DOCK5: variants seen among roughly 807,000 people sequenced by gnomAD.
DOCK5 encodes the protein dedicator of cytokinesis 5.
A neutral mutation model predicts 251.8 loss-of-function variants in DOCK5; 142 were observed. The ratio of observed to expected loss-of-function variants is 0.56; its 90% CI spans 0.49 to 0.65. The LOEUF (loss-of-function observed/expected upper bound fraction) is 0.65. Ranked by LOEUF, DOCK5 falls within the 30% of genes least tolerant of loss-of-function variation. DOCK5 has a pLI of 0.00. For missense variants in DOCK5, 2,111 were observed against 2,312.3 expected (o/e 0.91, Z 1.79); for synonymous variants, 842 against 835.5 (o/e 1.01, Z -0.13).
At chr8:25,263,254 A>G (rs1339166866) in intron 2 of DOCK5, among the ~76,000 whole-genome samples, 2 of 151,524 alleles carry the variant, frequency 1.3e-5, no homozygotes, top group Non-Finnish European at 2.9e-5. Context: ...TTTCCCAGTG[A>G]CAGCTCTTTT....
At chr8:25,410,975 GCGCGCGCGCACGCACGCACGCA>G (rs1437844812) in intron 51 of DOCK5, among the ~76,000 whole-genome samples, 197 bp from the exon 52 acceptor site, 15 of 22,778 alleles carry the variant, frequency 6.6e-4, no homozygotes, top group African/African-American at 1.6e-3. Flanking sequence ...GTGTGTGTGC[GCGCGCGCGCACGCACGCACGCA>G]CGCACGCGTG....
intron 2 of DOCK5, among the ~76,000 whole-genome samples, chr8:25,250,511 A>G (rs1803239021): frequency 6.6e-6 from 1 of 151,918 alleles, no homozygotes; most frequent in African/African-American, 2.4e-5. Context: ...GTTCCTTTCC[A>G]CCCCAGATCC....
rs533088266 is a variant in DOCK5, at chr8:25,397,828, AATACATAC to A, written c.4705-2066_4705-2059del. Among the ~76,000 whole-genome samples the A allele has an allele frequency of 7.2e-5, 11 of 152,138 alleles. No individual in the cohort carries two copies. In the South Asian group the frequency reaches 2.3e-3, roughly 32 times the overall value. ...TTAAAATGAACAAAAAGCTAGGATA[AATACATAC>A]ATACATACATACATACGTACATTTC... On this transcript the variant is annotated intron_variant, in intron 45 of 51. Transcript: ENST00000276440.
At chr8:25,294,237 C>G (rs1425474037) in intron 6 of DOCK5, among the ~76,000 whole-genome samples, 1 of 152,154 alleles carries the variant, frequency 6.6e-6, no homozygotes, top group East Asian at 1.9e-4. Flanking sequence ...CTGATCCAGT[C>G]TCCGAGCAGC....
At chr8:25,340,634 C>T (rs1046985312) in intron 22 of DOCK5, among the ~76,000 whole-genome samples, 1 of 152,130 alleles carries the variant, frequency 6.6e-6, no homozygotes, top group Non-Finnish European at 1.5e-5. Context: ...AGCATCGGCA[C>T]GGGCAGTTCA....
At chr8:25,398,083 G>C (rs549576965) in intron 45 of DOCK5, among the ~76,000 whole-genome samples, 9 of 152,230 alleles carry the variant, frequency 5.9e-5, no homozygotes, top group African/African-American at 2.2e-4. Flanking sequence ...AAGAACACAG[G>C]AGCTGTGTGC....
At chr8:25,400,045 C>T in intron 46 of DOCK5, 51 bp downstream of exon 46, 1 of 1,453,338 alleles carries the variant, frequency 6.9e-7, no homozygotes, top group Non-Finnish European at 9.6e-7. Flanking sequence ...GTGTGGGACA[C>T]CCATTATTCT....
chr8:25,187,780 G>T (rs57377296), intron 1 of DOCK5, among the ~76,000 whole-genome samples: 12,488 of 152,064 alleles, frequency 0.082, 780 homozygotes, highest in African/African-American at 0.17. Context: ...ATACCCTGCA[G>T]AGTCCCTCCT....
chr8:25,398,594 G>T (rs561147914), intron 45 of DOCK5, among the ~76,000 whole-genome samples: 5 of 152,224 alleles, frequency 3.3e-5, no homozygotes, highest in South Asian at 4.2e-4. Flanking sequence ...CATGTCTCTC[G>T]TCCTGGCTTC....
At chr8:25,388,548 G>T (rs1801203188) in intron 40 of DOCK5, among the ~76,000 whole-genome samples, 2 of 152,252 alleles carry the variant, frequency 1.3e-5, no homozygotes, top group East Asian at 3.8e-4. Flanking sequence ...GCTGGGGACT[G>T]TGGTACATTG....
intron 6 of DOCK5, among the ~76,000 whole-genome samples, chr8:25,294,502 C>G (rs1377958018): frequency 6.6e-6 from 1 of 152,154 alleles, no homozygotes; most frequent in African/African-American, 2.4e-5. Flanking sequence ...ACTTCTTGAG[C>G]CTAAGCAAAA....
chr8:25,232,413 T>G (rs1586249026), intron 1 of DOCK5, among the ~76,000 whole-genome samples: 1 of 152,374 alleles, frequency 6.6e-6, no homozygotes, highest in South Asian at 2.1e-4. Flanking sequence ...GCTACATGTC[T>G]AAGTCTATTT....
chr8:25,272,692 G>A (rs1206558359), intron 3 of DOCK5, among the ~76,000 whole-genome samples: 2 of 151,944 alleles, frequency 1.3e-5, no homozygotes, highest in Admixed American at 6.6e-5. Flanking sequence ...TTTTTTTATT[G>A]TGGTAAAAAT....
chr8:25,268,666 TAC>T (rs1803827040), intron 2 of DOCK5, among the ~76,000 whole-genome samples, 177 bp from the exon 3 acceptor site: 1 of 152,162 alleles, frequency 6.6e-6, no homozygotes, highest in Non-Finnish European at 1.5e-5. Context: ...AGCTCTAAAA[TAC>T]AGTTAGATTT....
rs909071465 is a variant in DOCK5 at position 25,415,537 on chromosome 8, A to G, written c.*4239A>G. 1 of 152,202 alleles carries G rather than the reference A, an allele frequency of 6.6e-6. No individual in the cohort carries two copies. The highest frequency in any genetic ancestry group is 1.5e-5 in the Non-Finnish European group (1 of 68,038). The allele number at this position is 152,202 out of a possible 1,614,324, so 9.4% of individuals were successfully genotyped here. On this transcript the variant is annotated 3_prime_UTR_variant, in exon 52 of 52. Coordinates refer to ENST00000276440, the MANE Select transcript of DOCK5 (RefSeq NM_024940.8). ...CAGATGTCCAAACTCATCTACTATT[A>G]GCCATATTTTGTGAGTCGTTTGTCT...
intron 20 of DOCK5, among the ~76,000 whole-genome samples, chr8:25,333,819 C>G (rs2320891): frequency 0.083 from 12,578 of 152,150 alleles, 565 homozygotes; most frequent in South Asian, 0.19. Context: ...CATCGACTCC[C>G]CTGTCTTTGA....
chr8:25,408,282 G>A, intron 49 of DOCK5, 128 bp downstream of exon 49: 3 of 1,040,764 alleles, frequency 2.9e-6, no homozygotes, highest in African/African-American at 3.2e-5. Context: ...CAGCAGCCTG[G>A]GTTAGTGTCA....
At chr8:25,338,597 A>G (rs987139001) in intron 22 of DOCK5, among the ~76,000 whole-genome samples, 3 of 152,160 alleles carry the variant, frequency 2.0e-5, no homozygotes, top group Non-Finnish European at 4.4e-5. Context: ...TTCCCCACAC[A>G]TAATTTATGC....
At chr8:25,331,815 G>T (rs200048119) in intron 18 of DOCK5, among the ~76,000 whole-genome samples, 55,695 of 131,282 alleles carry the variant, frequency 0.42, 12,571 homozygotes, top group Non-Finnish European at 0.53. Context: ...GAGAGAGAGA[G>T]AGAGAGAGAG....
Sources: gnomAD v4.1 joint callset for allele counts (sites outside exome capture counted in the v4.1 genomes callset) on GRCh38, gnomAD v4.1.1 for gene constraint, MANE v1.5 for transcripts, NCBI Gene and HGNC (gene_info 2026-07-23, HGNC 2026-07-21) for gene names.